The following MYO16 variants were observed in gnomAD, a reference collection of about 807,000 sequenced individuals.
MYO16 encodes unconventional myosin-XVI.
Under a neutral mutation model 205.3 loss-of-function variants are expected in MYO16, and 94 were observed. That is an observed-to-expected ratio of 0.46 (90% CI 0.39 to 0.54). The LOEUF is 0.54. Among genes scored for constraint, MYO16 ranks in the 20% least tolerant of loss-of-function variants. The pLI, the probability that MYO16 is intolerant of heterozygous loss-of-function variation, is 0.00. For synonymous variants in MYO16, 988 were observed against 954.0 expected (o/e 1.04, Z -0.66); for missense variants, 2,315 against 2,387.5 (o/e 0.97, Z 0.63).
intron 34 of MYO16, among the ~76,000 whole-genome samples, chr13:109,190,227 T>G (rs1879854727): frequency 6.6e-6 from 1 of 152,202 alleles, no homozygotes; most frequent in South Asian, 2.1e-4. Flanking sequence ...TTTTTTACAT[T>G]TAGGGATTTA....
intron 1 of MYO16, among the ~76,000 whole-genome samples, chr13:108,619,927 G>A (rs925914572): frequency 6.6e-6 from 1 of 152,112 alleles, no homozygotes; most frequent in Non-Finnish European, 1.5e-5. Flanking sequence ...AAGGCAAATG[G>A]CATACTGGAA....
intron 4 of MYO16, among the ~76,000 whole-genome samples, chr13:108,770,464 G>A (rs1258070364): frequency 6.6e-6 from 1 of 152,138 alleles, no homozygotes; most frequent in Non-Finnish European, 1.5e-5. Context: ...TCATCGGGAT[G>A]TTTTAAAATT....
At chr13:108,675,762 AAGC>A (rs1882176955) in intron 2 of MYO16, among the ~76,000 whole-genome samples, 1 of 152,160 alleles carries the variant, frequency 6.6e-6, no homozygotes, top group African/African-American at 2.4e-5. Flanking sequence ...AGCCGGAAGA[AAGC>A]AGATTTCTGA....
At chr13:108,827,322 G>T (rs9583300) in intron 9 of MYO16, among the ~76,000 whole-genome samples, 3,180 of 152,040 alleles carry the variant, frequency 0.021, 102 homozygotes, top group African/African-American at 0.071. Flanking sequence ...GCTATCTCAG[G>T]ATACAAGCCA....
In MYO16 at chr13:108,958,520, A is replaced by G. The variant is rs545556506; in HGVS notation, c.2037+721A>G. ...TTTTAGATCATGGCCGTGCCGTAGA[A>G]ACATCTATGATGATGGAAAAGTTAG... On this transcript the variant is annotated intron_variant, in intron 17 of 34. Coordinates refer to ENST00000457511, the MANE Select transcript of MYO16 (RefSeq NM_001198950.3). Among the ~76,000 whole-genome samples the G allele has an allele frequency of 6.6e-5, 10 of 152,316 alleles. No individual in the cohort carries two copies. In the South Asian group the frequency reaches 2.1e-3, roughly 32 times the overall value.
intron 2 of MYO16, among the ~76,000 whole-genome samples, chr13:108,689,702 A>G (rs1882816493): frequency 6.6e-6 from 1 of 151,546 alleles, no homozygotes; most frequent in Non-Finnish European, 1.5e-5. Context: ...AGTCTCTGAA[A>G]TATAAAAGAT....
the MYO16 span, among the ~76,000 whole-genome samples, chr13:108,505,000 A>T: frequency 6.6e-6 from 1 of 152,170 alleles, no homozygotes; most frequent in Non-Finnish European, 1.5e-5. Flanking sequence ...TTTACTTTTA[A>T]GGCTGAATAA....
chr13:108,558,770 C>T, the MYO16 span, among the ~76,000 whole-genome samples: 3 of 152,238 alleles, frequency 2.0e-5, no homozygotes, highest in Admixed American at 6.5e-5. Context: ...ATTCAAGGAT[C>T]TGCAAGAAAA....
rs559909197 is a variant in MYO16, at chr13:109,097,574, G to A, written c.3336-3211G>A. Among the ~76,000 whole-genome samples, 459 of 152,258 alleles carry A rather than the reference G, an allele frequency of 3.0e-3. 2 individuals are homozygous for A. The highest frequency in any genetic ancestry group is 0.011 in the African/African-American group (445 of 41,532). On this transcript the variant is annotated intron_variant, in intron 27 of 34. Transcript: ENST00000457511. Reference sequence around the variant, plus strand: ...ACAGCTACCAACTTCAGTACACGGCGTGTAAGAAATCACATTCTTGTCACC... The same window carrying A: ...ACAGCTACCAACTTCAGTACACGGCATGTAAGAAATCACATTCTTGTCACC...
Position 109,055,279 on chromosome 13 carries a change from T to C in MYO16, c.3130-111T>C. On this transcript the variant is annotated intron_variant, in intron 26 of 34. Coordinates refer to ENST00000457511, the MANE Select transcript of MYO16 (RefSeq NM_001198950.3). The surrounding 1 kb of genome is among the most constrained non-coding windows in gnomAD (Gnocchi z 5.0). ...CACACACACACACACACACACAGAG[T>C]AAATGCATAATGAGATTTAAAGACG... The C allele has an allele frequency of 1.1e-6, 1 of 911,776 alleles. No individual in the cohort carries two copies. The highest frequency in any genetic ancestry group is 1.7e-6 in the Non-Finnish European group (1 of 602,864). The allele number at this position is 911,776 out of a possible 1,614,324, so 56.5% of individuals were successfully genotyped here.
chr13:108,928,860 TATTTTAAAAATGGCC>T (rs1478623963), intron 16 of MYO16, among the ~76,000 whole-genome samples: 9 of 152,220 alleles, frequency 5.9e-5, no homozygotes, highest in Non-Finnish European at 1.0e-4. Context: ...GCAGTACAGT[TATTTTAAAAATGGCC>T]ATATTCAGGT....
chr13:108,595,822 T>C (rs1233556123), upstream of MYO16, among the ~76,000 whole-genome samples: 3 of 151,960 alleles, frequency 2.0e-5, no homozygotes, highest in Non-Finnish European at 4.4e-5. Flanking sequence ...CTTTGAGTGG[T>C]TTTACAGAAA....
chr13:108,584,373 A>G, the MYO16 span, among the ~76,000 whole-genome samples: 3 of 152,214 alleles, frequency 2.0e-5, no homozygotes, highest in Admixed American at 6.5e-5. Context: ...AAAATTGCAC[A>G]TATCTATGGA....
Position 108,818,560 on chromosome 13 carries a change from G to C in MYO16, c.868-1777G>C, listed in dbSNP as rs537682662. Among the ~76,000 whole-genome samples, 27 of 152,042 alleles carry C rather than the reference G, an allele frequency of 1.8e-4. 1 individual carries two copies. Among genetic ancestry groups the C allele is most frequent in the African/African-American group, 6.0e-4 (25 of 41,474 alleles). ...TGAACTGTTAAGCAAAAATACCATA[G>C]AAAAAATCAACAATACCTCAAATTG... On this transcript the variant is annotated intron_variant, in intron 7 of 34. Coordinates refer to ENST00000457511, the MANE Select transcript of MYO16 (RefSeq NM_001198950.3).
intron 9 of MYO16, among the ~76,000 whole-genome samples, chr13:108,832,562 A>T (rs940326842): frequency 6.6e-6 from 1 of 150,726 alleles, no homozygotes; most frequent in Admixed American, 6.7e-5. Flanking sequence ...CCCCAGCATG[A>T]TGATGAATAA....
chr13:108,676,901 T>C (rs926524065), intron 2 of MYO16, among the ~76,000 whole-genome samples: 2 of 152,124 alleles, frequency 1.3e-5, no homozygotes. Context: ...TCCTCTCCCC[T>C]GCGGAGCCCT....
intron 28 of MYO16, among the ~76,000 whole-genome samples, chr13:109,109,698 T>A (rs1472002419): frequency 6.6e-6 from 1 of 152,204 alleles, no homozygotes; most frequent in Non-Finnish European, 1.5e-5. Flanking sequence ...AGGAATATAC[T>A]CAAGCTCTTT....
rs142170701 is a variant in MYO16, at chr13:109,109,894, A to G, written c.3438+9007A>G. Among the ~76,000 whole-genome samples, 14 of 152,358 alleles carry G rather than the reference A, an allele frequency of 9.2e-5. No homozygotes were observed. In the East Asian group the frequency reaches 1.5e-3, roughly 17 times the overall value. On this transcript the variant is annotated intron_variant, in intron 28 of 34. Coordinates refer to ENST00000457511, the MANE Select transcript of MYO16 (RefSeq NM_001198950.3). Reference sequence around the variant, plus strand: ...GCAATGCCAGAACTTCTGAATAGCTACAAATAGTCCTAAAGATGCACTACA... The same window carrying G: ...GCAATGCCAGAACTTCTGAATAGCTGCAAATAGTCCTAAAGATGCACTACA...
At chr13:108,803,283 A>G (rs1265864510) in intron 6 of MYO16, among the ~76,000 whole-genome samples, 1 of 152,180 alleles carries the variant, frequency 6.6e-6, no homozygotes, top group Non-Finnish European at 1.5e-5. Context: ...CATTGAAAAC[A>G]ATGATAGTGC....
Sources: gnomAD v4.1 joint callset for allele counts (sites outside exome capture counted in the v4.1 genomes callset) on GRCh38, gnomAD v4.1.1 for gene constraint, Gnocchi (gnomAD v3.1) non-coding constraint, MANE v1.5 for transcripts, NCBI Gene and HGNC (gene_info 2026-07-23, HGNC 2026-07-21) for gene names.